GPATCH2: variants seen among roughly 807,000 people sequenced by gnomAD.
GPATCH2 encodes G patch domain-containing protein 2.
Under a neutral mutation model 58.0 loss-of-function variants are expected in GPATCH2, and 51 were observed. The observed-to-expected ratio is 0.88, with a 90% confidence interval of 0.70 to 1.11. GPATCH2 has a LOEUF of 1.11. GPATCH2 is among the 50% of genes most tolerant of loss of function. The pLI is 0.00. For missense variants in GPATCH2, 625 were observed against 652.2 expected (o/e 0.96, Z 0.45); for synonymous variants, 222 against 218.5 (o/e 1.02, Z -0.14).
At chr1:217,507,456 G>A (rs905221177) in intron 6 of GPATCH2, among the ~76,000 whole-genome samples, 9 of 152,136 alleles carry the variant, frequency 5.9e-5, no homozygotes, top group Admixed American at 3.9e-4. Context: ...AAAGACCTAA[G>A]CTTGGATACA....
chr1:217,516,677 G>A (rs906274817), intron 5 of GPATCH2, among the ~76,000 whole-genome samples: 4 of 152,132 alleles, frequency 2.6e-5, no homozygotes, highest in African/African-American at 7.2e-5. Context: ...TTTACAGTAT[G>A]TTCTATGTAC....
chr1:217,598,856 T>C (rs1353874244), intron 5 of GPATCH2, among the ~76,000 whole-genome samples: 1 of 152,182 alleles, frequency 6.6e-6, no homozygotes, highest in Non-Finnish European at 1.5e-5. Flanking sequence ...TGGGTAGACA[T>C]AGTTAAAGTA....
chr1:217,482,658 G>A (rs1040847085), intron 8 of GPATCH2, among the ~76,000 whole-genome samples: 5 of 152,010 alleles, frequency 3.3e-5, no homozygotes, highest in Non-Finnish European at 5.9e-5. Flanking sequence ...AAAGACTTCA[G>A]TTTTTACTTG....
chr1:217,582,989 G>A (rs1667144510), intron 5 of GPATCH2, among the ~76,000 whole-genome samples: 1 of 152,178 alleles, frequency 6.6e-6, no homozygotes, highest in African/African-American at 2.4e-5. Flanking sequence ...AGAATTTTAA[G>A]TCTCCTAAAC....
At chr1:217,449,465 A>C in intron 8 of GPATCH2, 128 bp from the exon 9 acceptor site, 1 of 630,042 alleles carries the variant, frequency 1.6e-6, no homozygotes, top group South Asian at 1.9e-5. Flanking sequence ...TAAAATCACC[A>C]ATCTTGTTTA....
rs912998439 is a variant in GPATCH2 at position 217,492,813 on chromosome 1, T to C, written c.1207-1063A>G. 8.5e-5 allele frequency: 13 copies of C among 152,186 alleles called. No homozygotes were observed. The East Asian group carries it at 2.3e-3, about 27-fold the overall frequency. The allele number at this position is 152,186 out of a possible 1,614,324, so 9.4% of individuals were successfully genotyped here. A position where few individuals can be genotyped will look rare whatever the true frequency, so the allele number is the denominator to read the frequency against. The stretch of plus-strand genomic sequence containing the variant: ...GAACATAGGAAATGCTGAGAAATAA[T>C]ATGGCTTAAATGCTATGATTATAAT... On this transcript the variant is annotated intron_variant, in intron 7 of 9. Coordinates refer to ENST00000366935, the MANE Select transcript of GPATCH2 (RefSeq NM_018040.5).
In GPATCH2 at chr1:217,505,204, C is replaced by T. The variant is rs931090920; in HGVS notation, c.1167-6809G>A. ...TTCAGTTCTCCCCCTAGGACATAGA[C>T]GCAGTTTAGAGAGGTCTAGGAACTA... On this transcript the variant is annotated intron_variant, in intron 6 of 9. Coordinates refer to ENST00000366935, the MANE Select transcript of GPATCH2 (RefSeq NM_018040.5). 4.6e-5 allele frequency among the ~76,000 whole-genome samples: 7 copies of T among 152,248 alleles called. No individual in the cohort carries two copies. In the South Asian group the frequency reaches 8.3e-4, roughly 18 times the overall value.
intron 8 of GPATCH2, among the ~76,000 whole-genome samples, chr1:217,476,598 A>C (rs923514409): frequency 2.0e-5 from 3 of 152,092 alleles, no homozygotes; most frequent in Non-Finnish European, 4.4e-5. Context: ...ATTGTGAGGC[A>C]CTGAACCCAG....
rs1658455546 is a variant in GPATCH2 at position 217,429,847 on chromosome 1, GAAAC to G, written c.*1294_*1297del. 7.8e-6 allele frequency: 1 copy of G among 128,214 alleles called. No homozygotes were observed. The highest frequency in any genetic ancestry group is 2.5e-4 in the South Asian group (1 of 3,982). 7.9% of individuals were successfully genotyped at this position (128,214 alleles called of 1,614,324 possible). On this transcript the variant is annotated 3_prime_UTR_variant, in exon 10 of 10. Transcript: ENST00000366935. The stretch of plus-strand genomic sequence containing the variant: ...TGTCAAAAAAAAAAAAAAAAAAAAA[GAAAC>G]AAAAAAACTCTTTTGGAAAGTGACA...
intron 5 of GPATCH2, among the ~76,000 whole-genome samples, chr1:217,542,158 G>T (rs1461385035): frequency 6.6e-6 from 1 of 152,220 alleles, no homozygotes; most frequent in East Asian, 1.9e-4. Context: ...TTTAGGCTGT[G>T]ATGAACATCT....
chr1:217,621,570 AAAATAGCCACAAGCAATACATAAAT>A, intron 1 of GPATCH2, among the ~76,000 whole-genome samples: 1 of 152,324 alleles, frequency 6.6e-6, no homozygotes, highest in Middle Eastern at 3.4e-3. Context: ...CTATAATGCA[AAAATAGCCACAAGCAATACATAAAT>A]AAATGGGTAT....
chr1:217,605,629 T>G (rs777236759), intron 5 of GPATCH2, among the ~76,000 whole-genome samples: 1 of 152,192 alleles, frequency 6.6e-6, no homozygotes, highest in African/African-American at 2.4e-5. Flanking sequence ...CTACACAATT[T>G]GAATGCGGAT....
intron 8 of GPATCH2, among the ~76,000 whole-genome samples, chr1:217,478,901 A>G (rs886068105): frequency 2.6e-5 from 4 of 152,184 alleles, no homozygotes; most frequent in African/African-American, 9.6e-5. Flanking sequence ...CAAGTAACAT[A>G]CAATGGAGCT....
At chr1:217,447,618 G>A (rs978776239) in intron 9 of GPATCH2, among the ~76,000 whole-genome samples, 6 of 152,120 alleles carry the variant, frequency 3.9e-5, no homozygotes, top group East Asian at 1.9e-4. Flanking sequence ...AAATACAAAC[G>A]CACTCTACAC....
chr1:217,574,635 C>T (rs1666724851), intron 5 of GPATCH2, among the ~76,000 whole-genome samples: 1 of 152,178 alleles, frequency 6.6e-6, no homozygotes, highest in South Asian at 2.1e-4. Flanking sequence ...TGTCATGTTG[C>T]TAAGTACTTT....
intron 6 of GPATCH2, among the ~76,000 whole-genome samples, chr1:217,508,788 G>C (rs1662691856): frequency 6.6e-6 from 1 of 151,926 alleles, no homozygotes; most frequent in African/African-American, 2.4e-5. Context: ...TCTCTAGCTG[G>C]ATTGAGGCTC....
chr1:217,600,356 A>G (rs1387697517), intron 5 of GPATCH2, among the ~76,000 whole-genome samples: 1 of 152,086 alleles, frequency 6.6e-6, no homozygotes, highest in African/African-American at 2.4e-5. Flanking sequence ...TCCTCTAACT[A>G]TAGTAAAGAA....
chr1:217,540,634 T>A (rs1281756378), intron 5 of GPATCH2, among the ~76,000 whole-genome samples: 1 of 152,202 alleles, frequency 6.6e-6, no homozygotes, highest in Non-Finnish European at 1.5e-5. Flanking sequence ...CTTTAAAGGA[T>A]CAATTCTGAA....
chr1:217,574,500 GT>G lies in GPATCH2; in HGVS notation c.1098+35820del, dbSNP rs55704649. ...AGCAACTGGGTTCAGTTACGGGGTG[GT>G]TTATCTGCCTGTGGATAGCTGGCAT... On this transcript the variant is annotated intron_variant, in intron 5 of 9. Coordinates refer to ENST00000366935, the MANE Select transcript of GPATCH2 (RefSeq NM_018040.5). 5.6e-3 allele frequency among the ~76,000 whole-genome samples: 846 copies of G among 152,254 alleles called. 3 individuals carry two copies. Among genetic ancestry groups the G allele is most frequent in the Middle Eastern group, 0.02 (6 of 294 alleles).
Sources: allele counts gnomAD v4.1 joint callset (sites outside exome capture counted in the v4.1 genomes callset), GRCh38; gene constraint gnomAD v4.1.1; transcripts MANE v1.5; gene names NCBI Gene and HGNC (gene_info 2026-07-23, HGNC 2026-07-21).